Variants in CCDC30 observed in about 807,000 individuals in gnomAD.
CCDC30 encodes the protein coiled-coil domain containing 30.
CCDC30 carries 70 observed loss-of-function variants against 100.2 expected under a neutral mutation model. The observed-to-expected ratio is 0.70, with a 90% CI of 0.58 to 0.85. The LOEUF (loss-of-function observed/expected upper bound fraction) is 0.85. CCDC30 is among the 40% of genes least tolerant of loss of function. The pLI is 0.00. For synonymous variants in CCDC30, 233 were observed against 269.5 expected, an observed-to-expected ratio of 0.86 and a Z score of 1.33; for missense variants, 652 against 771.2, an observed-to-expected ratio of 0.85 and a Z score of 1.83.
chr1:42,469,787 C>G (rs1240361582), intron 1 of CCDC30, among the ~76,000 whole-genome samples: 1 of 152,084 alleles, frequency 6.6e-6, no homozygotes, highest in Non-Finnish European at 1.5e-5. Context: ...CTTTGTTTTA[C>G]TAGTTCTCTG....
At chr1:42,568,147 C>A (rs1342306888) in intron 7 of CCDC30, among the ~76,000 whole-genome samples, 1 of 152,140 alleles carries the variant, frequency 6.6e-6, no homozygotes, top group African/African-American at 2.4e-5. Context: ...TGGAGTCTCG[C>A]TCTGTCACCC....
upstream of CCDC30, chr1:42,459,909 A>G (rs2148421930): frequency 1.2e-6 from 2 of 1,607,946 alleles, no homozygotes; most frequent in Non-Finnish European, 1.7e-6. Context: ...CACAGCTTTT[A>G]TAGGTGACAG....
intron 6 of CCDC30, among the ~76,000 whole-genome samples, chr1:42,526,329 G>A (rs1016375670): frequency 3.3e-5 from 5 of 152,012 alleles, no homozygotes; most frequent in South Asian, 2.1e-4. Flanking sequence ...TCATTATTCC[G>A]TCATGGCCCT....
intron 11 of CCDC30, among the ~76,000 whole-genome samples, chr1:42,626,435 T>G (rs1646935280): frequency 6.6e-6 from 1 of 152,212 alleles, no homozygotes; most frequent in South Asian, 2.1e-4. Flanking sequence ...CTTCTCTTCC[T>G]TCTTCCTTTC....
At chr1:42,615,291 T>TTTGG (rs1179387715) in intron 11 of CCDC30, among the ~76,000 whole-genome samples, 2 of 152,130 alleles carry the variant, frequency 1.3e-5, no homozygotes, top group African/African-American at 4.8e-5. Context: ...AAGCAACTCC[T>TTTGG]TTGGTTTGTT....
At chr1:42,600,638 C>A (rs57748813) in intron 10 of CCDC30, among the ~76,000 whole-genome samples, 5,668 of 152,204 alleles carry the variant, frequency 0.037, 332 homozygotes, top group African/African-American at 0.12. Context: ...GTGTCCCCAC[C>A]CAAATCTCAT....
intron 10 of CCDC30, among the ~76,000 whole-genome samples, chr1:42,600,724 T>C (rs1424638189): frequency 6.6e-6 from 1 of 152,042 alleles, no homozygotes; most frequent in South Asian, 2.1e-4. Context: ...TTTCTGATGG[T>C]TTAGCACCAT....
chr1:42,580,620 G>GT (rs1478495367), intron 8 of CCDC30, among the ~76,000 whole-genome samples: 28 of 151,862 alleles, frequency 1.8e-4, no homozygotes, highest in African/African-American at 6.5e-4. Context: ...AAAATGTGGG[G>GT]GTTTTTTGCT....
chr1:42,556,336 G>A lies in CCDC30; in HGVS notation c.457-9960G>A, dbSNP rs61729292. 2.4e-3 allele frequency: 3,899 copies of A among 1,613,998 alleles called. 81 individuals are homozygous for A. The African/African-American group carries it at 0.048, about 20-fold the overall frequency. ...AAATTGTGAGGCTTAGAGAAGAGCT[G>A]AGCCATATAAATCAGAGCCTTCTTC... On this transcript the variant is annotated intron_variant, in intron 6 of 16. Coordinates refer to ENST00000668663, the Ensembl canonical transcript of CCDC30.
chr1:42,464,366 G>T (rs996150934), intron 1 of CCDC30: 15 of 152,198 alleles, frequency 9.9e-5, no homozygotes, highest in Non-Finnish European at 1.9e-4. Flanking sequence ...GTTTATCAAT[G>T]TGAAAAGGGC....
chr1:42,493,562 G>A (rs1054734849), intron 4 of CCDC30, among the ~76,000 whole-genome samples: 1 of 152,066 alleles, frequency 6.6e-6, no homozygotes, highest in Non-Finnish European at 1.5e-5. Context: ...ACTCCAGCCT[G>A]GCCACAGATG....
intron 3 of CCDC30, among the ~76,000 whole-genome samples, chr1:42,487,856 G>A (rs1336024413): frequency 6.6e-6 from 1 of 152,106 alleles, no homozygotes; most frequent in Admixed American, 6.6e-5. Context: ...ACACAGCCTG[G>A]CCAACACCCT....
At position 42,592,060 on chromosome 1, in the gene CCDC30, G is replaced by C. The variant is rs567136332; in HGVS notation, c.1164+2577G>C. The C allele has an allele frequency of 2.6e-5, 4 of 152,254 alleles. No individual in the cohort carries two copies. The East Asian group carries it at 5.8e-4, about 22-fold the overall frequency. The allele number at this position is 152,254 out of a possible 1,614,324, so 9.4% of individuals were successfully genotyped here. A position where few individuals can be genotyped will look rare whatever the true frequency, so the allele number is the denominator to read the frequency against. ...ATGCCTGTACTACCACTGTATCTTG[G>C]GAGTAAATGACTTATTTTGATTTTT... On this transcript the variant is annotated intron_variant, in intron 10 of 16. Coordinates refer to ENST00000668663, the Ensembl canonical transcript of CCDC30.
intron 6 of CCDC30, among the ~76,000 whole-genome samples, chr1:42,503,748 G>A (rs1311078894): frequency 6.6e-6 from 1 of 152,138 alleles, no homozygotes; most frequent in Non-Finnish European, 1.5e-5. Flanking sequence ...TTTGGGGGCT[G>A]CTTTTCATTA....
intron 10 of CCDC30, among the ~76,000 whole-genome samples, chr1:42,607,111 T>C (rs1646516823): frequency 1.3e-5 from 2 of 152,078 alleles, no homozygotes; most frequent in South Asian, 4.1e-4. Flanking sequence ...AATTTAAAGT[T>C]GGAGAATTTA....
At chr1:42,503,881 G>A (rs1379006894) in intron 6 of CCDC30, among the ~76,000 whole-genome samples, 1 of 152,116 alleles carries the variant, frequency 6.6e-6, no homozygotes, top group Admixed American at 6.5e-5. Flanking sequence ...GCTCAGTCAG[G>A]GAGACCCTCA....
intron 6 of CCDC30, among the ~76,000 whole-genome samples, 186 bp from the exon 10 acceptor site, chr1:42,555,970 A>G (rs1319373914): frequency 6.6e-6 from 1 of 152,166 alleles, no homozygotes; most frequent in East Asian, 1.9e-4. Context: ...GATTACAGGC[A>G]TGAACCACCA....
upstream of CCDC30, among the ~76,000 whole-genome samples, chr1:42,461,648 A>G (rs1343171466): frequency 6.7e-6 from 1 of 150,050 alleles, no homozygotes; most frequent in East Asian, 2.0e-4. Context: ...CCGGGTTCAC[A>G]CCATTCTCCT....
At chr1:42,600,218 T>C (rs1646375930) in intron 10 of CCDC30, among the ~76,000 whole-genome samples, 1 of 152,046 alleles carries the variant, frequency 6.6e-6, no homozygotes, top group Non-Finnish European at 1.5e-5. Context: ...TATTTAATGA[T>C]TAAAAAGGTC....
Sources: gnomAD v4.1 joint callset for allele counts (sites outside exome capture counted in the v4.1 genomes callset) on GRCh38, gnomAD v4.1.1 for gene constraint, MANE v1.5 for transcripts, NCBI Gene and HGNC (gene_info 2026-07-23, HGNC 2026-07-21) for gene names.